ACTL8: variants seen among roughly 807,000 people sequenced by gnomAD.
The protein encoded by ACTL8 is actin-like protein 8.
ACTL8 carries 3 observed loss-of-function variants against 9.3 expected under a neutral mutation model. The ratio of observed to expected loss-of-function variants is 0.32; its 90% CI spans 0.15 to 0.83. The LOEUF (loss-of-function observed/expected upper bound fraction) is 0.83, where lower values mean the gene tolerates loss of function less well. Ranked by LOEUF, ACTL8 falls within the 40% of genes least tolerant of loss-of-function variation. The probability of loss-of-function intolerance (pLI) is 0.57; values close to 1 mark genes in which losing one functional copy is unlikely to be tolerated. For synonymous variants in ACTL8, 224 were observed against 205.9 expected (o/e 1.09, Z -0.75); for missense variants, 381 against 492.2 (o/e 0.77, Z 2.14).
At chr1:17,821,659 C>T (rs1289791083) in intron 1 of ACTL8, among the ~76,000 whole-genome samples, 1 of 151,626 alleles carries the variant, frequency 6.6e-6, no homozygotes, top group Non-Finnish European at 1.5e-5. Flanking sequence ...GATGGAGTCT[C>T]ACTCTGTCGC....
chr1:17,798,303 G>A (rs2066293261), intron 1 of ACTL8, among the ~76,000 whole-genome samples: 1 of 152,130 alleles, frequency 6.6e-6, no homozygotes, highest in South Asian at 2.1e-4. Context: ...GGAGCTCATG[G>A]TCTAGGTGGG....
chr1:17,813,885 C>CA (rs150981926), intron 1 of ACTL8, among the ~76,000 whole-genome samples: 1 of 152,170 alleles, frequency 6.6e-6, no homozygotes, highest in African/African-American at 2.4e-5. Flanking sequence ...CCTAAATTGT[C>CA]AAAGTGTCAG....
intron 1 of ACTL8, among the ~76,000 whole-genome samples, chr1:17,771,808 C>T (rs899788840): frequency 5.3e-5 from 8 of 152,148 alleles, no homozygotes; most frequent in Non-Finnish European, 1.0e-4. Flanking sequence ...ACCGGCTGGA[C>T]AAATGGACAC....
chr1:17,765,134 A>G (rs2066034874), intron 1 of ACTL8, among the ~76,000 whole-genome samples: 1 of 152,172 alleles, frequency 6.6e-6, no homozygotes, highest in South Asian at 2.1e-4. Flanking sequence ...CTTTGAGATG[A>G]GCAGGCAGCG....
chr1:17,781,016 T>A (rs917392644), intron 1 of ACTL8, among the ~76,000 whole-genome samples: 7 of 152,138 alleles, frequency 4.6e-5, no homozygotes, highest in African/African-American at 1.7e-4. Flanking sequence ...GTCAGAAGTC[T>A]GAGATCGGTC....
chr1:17,809,644 G>T (rs1000517924), intron 1 of ACTL8, among the ~76,000 whole-genome samples: 1 of 151,940 alleles, frequency 6.6e-6, no homozygotes, highest in African/African-American at 2.4e-5. Flanking sequence ...ACCCTGTTGT[G>T]AACTGTGCAT....
chr1:17,826,603 A>C lies in ACTL8; in HGVS notation c.*84A>C. 1 of 1,293,740 alleles carries C rather than the reference A, an allele frequency of 7.7e-7. No homozygotes were observed. The highest frequency in any genetic ancestry group is 1.0e-6 in the Non-Finnish European group (1 of 967,068). The allele number at this position is 1,293,740 out of a possible 1,614,324, so 80.1% of individuals were successfully genotyped here. ...TTAGCAAAATGTTCTGGGTGGGGGTAGAATGAGGTGGGGTGGGGTGAGCTG... is the reference window on the plus strand; with the variant it reads ...TTAGCAAAATGTTCTGGGTGGGGGTCGAATGAGGTGGGGTGGGGTGAGCTG... On this transcript the variant is annotated 3_prime_UTR_variant, in exon 3 of 3. Coordinates refer to ENST00000375406, the MANE Select transcript of ACTL8 (RefSeq NM_030812.3). This position sits in a 1 kb window ranked among gnomAD's most constrained non-coding sequence, Gnocchi z 4.5.
At chr1:17,792,019 G>A (rs1361224234) in intron 1 of ACTL8, among the ~76,000 whole-genome samples, 2 of 152,118 alleles carry the variant, frequency 1.3e-5, no homozygotes, top group Non-Finnish European at 2.9e-5. Flanking sequence ...ACCCCATCAG[G>A]AACCCTTATC....
At chr1:17,818,920 A>T (rs2053621387) in intron 1 of ACTL8, among the ~76,000 whole-genome samples, 1 of 152,152 alleles carries the variant, frequency 6.6e-6, no homozygotes, top group African/African-American at 2.4e-5. Flanking sequence ...GCTAATGGGG[A>T]TTTGTAGAAT....
At chr1:17,812,427 C>CTTTTTTTTTTTTTTTTTTTTTTTTT (rs141182523) in intron 1 of ACTL8, among the ~76,000 whole-genome samples, 1 of 122,420 alleles carries the variant, frequency 8.2e-6, no homozygotes, top group African/African-American at 3.1e-5. Context: ...ATTTTTTTTC[C>CTTTTTTTTTTTTTTTTTTTTTTTTT]TTTTTTTTTT....
In ACTL8 at chr1:17,823,117, C is replaced by T; in HGVS notation, c.109C>T (p.Pro37Ser). 6.2e-7 allele frequency: 1 copy of T among 1,614,232 alleles called. No homozygotes were observed. The highest frequency in any genetic ancestry group is 8.5e-7 in the Non-Finnish European group (1 of 1,180,048). ...CTTCCCGAACATCGTGAACTACCTACCGTGCAAGGAGAACCCTGGCCCCAG... is the reference window on the plus strand; with the variant it reads ...CTTCCCGAACATCGTGAACTACCTATCGTGCAAGGAGAACCCTGGCCCCAG... ...MVFPNIVNYLPCKENPGPSYA... is the reference protein window; with the variant it reads ...MVFPNIVNYLSCKENPGPSYA... Residue 37 changes from proline to serine, a missense_variant, in exon 2 of 3, where the codon CCG (proline) becomes TCG (serine). Pro to Ser is a moderately conservative substitution (Grantham distance 74, BLOSUM62 -1). This residue lies in a region of ACTL8 where 125 missense variants were observed against 180.7 expected (regional missense o/e 0.69). Coordinates refer to ENST00000375406, the MANE Select transcript of ACTL8 (RefSeq NM_030812.3). The surrounding 1 kb of genome is among the most constrained non-coding windows in gnomAD (Gnocchi z 5.3).
chr1:17,789,578 A>T (rs770418204), intron 1 of ACTL8, among the ~76,000 whole-genome samples: 1 of 152,082 alleles, frequency 6.6e-6, no homozygotes. Context: ...CTGGCCCTCA[A>T]TACAGAGTTG....
intron 1 of ACTL8, among the ~76,000 whole-genome samples, chr1:17,794,791 C>T (rs912804724): frequency 6.6e-6 from 1 of 152,198 alleles, no homozygotes; most frequent in Non-Finnish European, 1.5e-5. Context: ...GAGTTGCTCT[C>T]CCAGATCGTG....
chr1:17,775,842 G>A (rs2066115318), intron 1 of ACTL8, among the ~76,000 whole-genome samples: 1 of 152,168 alleles, frequency 6.6e-6, no homozygotes, highest in Non-Finnish European at 1.5e-5. Flanking sequence ...CAGTCTAGTA[G>A]AGTAGACAGA....
chr1:17,780,316 G>A (rs1395727671), intron 1 of ACTL8, among the ~76,000 whole-genome samples: 2 of 152,194 alleles, frequency 1.3e-5, no homozygotes, highest in African/African-American at 4.8e-5. Context: ...TAAAGACCAG[G>A]TGGGAGAACT....
intron 1 of ACTL8, among the ~76,000 whole-genome samples, chr1:17,770,377 CAG>C (rs1355845087): frequency 6.6e-6 from 1 of 152,178 alleles, no homozygotes; most frequent in Non-Finnish European, 1.5e-5. Flanking sequence ...CCTGCAAAAT[CAG>C]GGGCAGGACA....
Position 17,823,230 on chromosome 1 carries a change from C to T in ACTL8, c.222C>T (p.Asn74=). Residue 74 remains asparagine, a synonymous_variant, in exon 2 of 3, where the codon AAC becomes AAT. Transcript: ENST00000375406. The surrounding 1 kb of genome is among the most constrained non-coding windows in gnomAD (Gnocchi z 5.3). ...CCATCGAGCGGGGCCGCATCCTCAA[C>T]TGGGAGGGTGTGCAGTACCTCTGGT... is the stretch of plus-strand genomic sequence containing the variant. ...SYPIERGRIL[N]WEGVQYLWSF... is the part of the protein sequence containing the mutation. The T allele has an allele frequency of 5.0e-6, 8 of 1,614,182 alleles. No homozygotes were observed. The highest frequency in any genetic ancestry group is 6.8e-6 in the Non-Finnish European group (8 of 1,180,020).
At chr1:17,809,666 A>G (rs1207831774) in intron 1 of ACTL8, among the ~76,000 whole-genome samples, 1 of 151,934 alleles carries the variant, frequency 6.6e-6, no homozygotes, top group Non-Finnish European at 1.5e-5. Context: ...TGAGGGATCT[A>G]GGTTGCGTGC....
chr1:17,797,720 TCTCTGAACC>T (rs2066287903), intron 1 of ACTL8, among the ~76,000 whole-genome samples: 1 of 152,182 alleles, frequency 6.6e-6, no homozygotes. Context: ...GCCTGTTTCC[TCTCTGAACC>T]CTGAATCTCA....
Sources: allele counts gnomAD v4.1 joint callset (sites outside exome capture counted in the v4.1 genomes callset), GRCh38; gene constraint gnomAD v4.1.1; regional missense constraint gnomAD v4.1.1; non-coding constraint Gnocchi (gnomAD v3.1); transcripts MANE v1.5; gene names NCBI Gene and HGNC (gene_info 2026-07-23, HGNC 2026-07-21).